DNAJA3: variants seen among roughly 807,000 people sequenced by gnomAD.
The protein encoded by DNAJA3 is dnaJ homolog subfamily A member 3, mitochondrial.
In DNAJA3, 29 loss-of-function variants were observed where a neutral mutation model predicts 54.9. The observed-to-expected ratio is 0.53, with a 90% confidence interval of 0.39 to 0.72. The LOEUF (loss-of-function observed/expected upper bound fraction) is 0.72. DNAJA3 is among the 30% of genes least tolerant of loss of function. The probability of loss-of-function intolerance (pLI) is 0.00; values close to 1 mark genes in which losing one functional copy is unlikely to be tolerated. For synonymous variants in DNAJA3, 302 were observed against 251.4 expected, an observed-to-expected ratio of 1.20 and a Z score of -1.90; for missense variants, 708 against 639.4, an observed-to-expected ratio of 1.11 and a Z score of -1.16.
rs1347244882 is a variant in DNAJA3, at chr16:4,444,732, G to A, written c.996+4G>A. ...GGAAATTTTCATTACGTTCAGGGTA[G>A]GTGCCCTGCCCCGCACAGCTTCTGT... On this transcript the variant is annotated splice_donor_region_variant and intron_variant, in intron 7 of 11. Coordinates refer to ENST00000262375, the MANE Select transcript of DNAJA3 (RefSeq NM_005147.6). The A allele has an allele frequency of 6.8e-6, 11 of 1,613,478 alleles. No individual in the cohort carries two copies. Among genetic ancestry groups the A allele is most frequent in the East Asian group, 2.2e-5 (1 of 44,892 alleles).
Position 4,446,934 on chromosome 16 carries a change from G to A in DNAJA3, c.1045G>A (p.Asp349Asn), listed in dbSNP as rs745793971. 7 of 1,614,130 alleles carry A rather than the reference G, an allele frequency of 4.3e-6. No homozygotes were observed. Among genetic ancestry groups the A allele is most frequent in the African/African-American group, 2.7e-5 (2 of 75,030 alleles). Residue 349 changes from aspartate to asparagine, a missense_variant, in exon 8 of 12, where the codon GAC becomes AAC. Physicochemically the swap from Asp to Asn is conservative, Grantham distance 23 (BLOSUM62 1). Coordinates refer to ENST00000262375, the MANE Select transcript of DNAJA3 (RefSeq NM_005147.6). The stretch of plus-strand genomic sequence containing the variant: ...GAGGGACGGCGCAGACATCCACTCC[G>A]ACCTCTTTATTTCTATAGCTCAGGC... ...FRRDGADIHS[D>N]LFISIAQALL...
intron 1 of DNAJA3, chr16:4,431,083 C>T (rs1034293535): frequency 6.6e-6 from 1 of 152,090 alleles, no homozygotes; most frequent in African/African-American, 2.4e-5. Context: ...TGTAATTAAA[C>T]GTGATTTGTC....
At chr16:4,441,325 C>A (rs762827707) in intron 3 of DNAJA3, 50 bp from the exon 4 acceptor site, 51 of 1,539,726 alleles carry the variant, frequency 3.3e-5, no homozygotes, top group African/African-American at 6.9e-5. Context: ...GTCTGTATTC[C>A]TGGGCCTTGG....
chr16:4,432,335 CTTTTTTTTTTTCT>C (rs2056714317), intron 1 of DNAJA3, among the ~76,000 whole-genome samples: 1 of 73,226 alleles, frequency 1.4e-5, no homozygotes. Context: ...ATTTTTCTTT[CTTTTTTTTTTTCT>C]TTTTTTTTTC....
At position 4,453,717 on chromosome 16, in the gene DNAJA3, C is replaced by T. The variant is rs535539317; in HGVS notation, c.1340-1094C>T. 6.6e-5 allele frequency among the ~76,000 whole-genome samples: 10 copies of T among 152,314 alleles called. No homozygotes were observed. In the East Asian group the frequency reaches 1.9e-3, roughly 29 times the overall value. ...AAAGTGCGGGGATTACAGGCGTGAG[C>T]CACTGTGCCCGGCCTTTTCTTTTTT... On this transcript the variant is annotated intron_variant, in intron 10 of 11. Transcript: ENST00000262375.
In DNAJA3 at chr16:4,425,930, C is replaced by T. The variant is rs1183117764; in HGVS notation, c.49C>T (p.Pro17Ser). 1 of 1,553,124 alleles carries T rather than the reference C, an allele frequency of 6.4e-7. No individual in the cohort carries two copies. The highest frequency in any genetic ancestry group is 1.2e-5 in the South Asian group (1 of 84,706). ...TRWLLVVVGT[P>S]RLPAISGRGA... ...CTGGTTGCTGGTGGTTGTGGGGACCCCGCGGCTGCCGGCTATATCGGGTAG... is the reference window on the plus strand; with the variant it reads ...CTGGTTGCTGGTGGTTGTGGGGACCTCGCGGCTGCCGGCTATATCGGGTAG... Residue 17 changes from proline (P) to serine (S), a missense_variant, in exon 1 of 12, where the codon CCG (proline) becomes TCG (serine). Pro to Ser is a moderately conservative substitution (Grantham distance 74). Transcript: ENST00000262375.
At position 4,446,907 on chromosome 16, in the gene DNAJA3, C is replaced by A; in HGVS notation, c.1018C>A (p.Arg340=). The stretch of plus-strand genomic sequence containing the variant: ...TTAGGTGCAGAAAAGCCCTGTGTTC[C>A]GGAGGGACGGCGCAGACATCCACTC... ...TFRVQKSPVF[R]RDGADIHSDL... is the part of the protein sequence containing the mutation. The change falls in exon 8 of 12, where the codon CGG becomes AGG. Residue 340 remains arginine (R), a synonymous_variant. Transcript: ENST00000262375. 6.2e-7 allele frequency: 1 copy of A among 1,614,020 alleles called. No homozygotes were observed. Among genetic ancestry groups the A allele is most frequent in the Non-Finnish European group, 8.5e-7 (1 of 1,179,994 alleles).
chr16:4,453,454 T>C (rs1179464688), intron 10 of DNAJA3, among the ~76,000 whole-genome samples: 2 of 151,840 alleles, frequency 1.3e-5, no homozygotes, highest in Non-Finnish European at 2.9e-5. Context: ...TTTCTTTTTT[T>C]GGAGACGGAG....
intron 2 of DNAJA3, among the ~76,000 whole-genome samples, chr16:4,435,859 A>G (rs2056766807): frequency 1.3e-5 from 2 of 152,268 alleles, no homozygotes; most frequent in Non-Finnish European, 2.9e-5. Context: ...TTGCTGAGTC[A>G]TATGGTAACT....
chr16:4,436,777 C>G (rs560421433), intron 2 of DNAJA3, among the ~76,000 whole-genome samples: 4 of 152,262 alleles, frequency 2.6e-5, no homozygotes, highest in African/African-American at 9.6e-5. Flanking sequence ...CTCTGGTGAT[C>G]CACCCAGCTC....
intron 1 of DNAJA3, among the ~76,000 whole-genome samples, chr16:4,426,312 G>T (rs2056621723): frequency 6.6e-6 from 1 of 152,210 alleles, no homozygotes; most frequent in Non-Finnish European, 1.5e-5. Flanking sequence ...CGGCGGTGAT[G>T]AAACGCCCCG....
At position 4,443,061 on chromosome 16, in the gene DNAJA3, G is replaced by A; in HGVS notation, c.828G>A (p.Arg276=). 6.2e-7 allele frequency: 1 copy of A among 1,613,714 alleles called. No individual in the cohort carries two copies. Residue 276 remains arginine, a synonymous_variant, in exon 6 of 12, where the codon AGG becomes AGA. Transcript: ENST00000262375. ...CTTTTGTGATGCGTTCCACGTGTAG[G>A]AGATGTGGTGGCCGCGGCTCCATCA... is the stretch of plus-strand genomic sequence containing the variant. ...TGPFVMRSTC[R]RCGGRGSIII... is the part of the protein sequence containing the mutation.
intron 1 of DNAJA3, among the ~76,000 whole-genome samples, chr16:4,428,882 ATTTTTT>A (rs766170292): frequency 2.8e-5 from 3 of 108,440 alleles, no homozygotes; most frequent in East Asian, 2.6e-4. Context: ...CTACAAAAAG[ATTTTTT>A]TTTTTTTTTT....
intron 3 of DNAJA3, 94 bp downstream of exon 3, chr16:4,437,579 C>T (rs926323221): frequency 6.9e-6 from 7 of 1,020,974 alleles, no homozygotes; most frequent in Middle Eastern, 4.3e-4. Context: ...GTGTGTCATA[C>T]AGTCCAGTGT....
intron 1 of DNAJA3, chr16:4,427,239 G>C (rs767767815): frequency 2.0e-5 from 3 of 152,114 alleles, no homozygotes; most frequent in Admixed American, 6.6e-5. Flanking sequence ...TTCTTATGCC[G>C]TGTGTTTTGT....
intron 2 of DNAJA3, among the ~76,000 whole-genome samples, chr16:4,437,163 G>C (rs2056781522): frequency 6.6e-6 from 1 of 152,108 alleles, no homozygotes; most frequent in Non-Finnish European, 1.5e-5. Context: ...GTGGAGAGGG[G>C]TTTCGCTGTG....
intron 2 of DNAJA3, among the ~76,000 whole-genome samples, 200 bp downstream of exon 2, chr16:4,434,717 A>AG (rs2056750922): frequency 6.6e-6 from 1 of 152,142 alleles, no homozygotes; most frequent in Admixed American, 6.6e-5. Flanking sequence ...CAGAAAAAAG[A>AG]GGTGAGTCCA....
Position 4,455,601 on chromosome 16 carries a change from G to A in DNAJA3, c.*69G>A. ...AGCAGCAGCCCCTCCAAGGGCCAGG[G>A]CACCTGGGAGACGGGAGGATTCCAG... On this transcript the variant is annotated 3_prime_UTR_variant, in exon 12 of 12. Coordinates refer to ENST00000262375, the MANE Select transcript of DNAJA3 (RefSeq NM_005147.6). 3.9e-6 allele frequency: 6 copies of A among 1,551,580 alleles called. No homozygotes were observed. Among genetic ancestry groups the A allele is most frequent in the Non-Finnish European group, 5.2e-6 (6 of 1,146,852 alleles).
chr16:4,426,044 T>G lies in DNAJA3; in HGVS notation c.163T>G (p.Cys55Gly). The G allele has an allele frequency of 1.2e-6, 2 of 1,605,238 alleles. No individual in the cohort carries two copies. The highest frequency in any genetic ancestry group is 1.7e-6 in the Non-Finnish European group (2 of 1,176,434). Reference protein sequence around the residue: ...VPAFASSLTSCGPRALLTLRP... With the variant: ...VPAFASSLTSGGPRALLTLRP... ...CGCCTTTGCGTCTTCCCTGACCTCT[T>G]GCGGCCCCCGAGCGCTGCTGACATT... Residue 55 changes from cysteine to glycine, a missense_variant, in exon 1 of 12, where the codon TGC becomes GGC. Cys to Gly is a radical substitution (Grantham distance 159, BLOSUM62 -3). Coordinates refer to ENST00000262375, the MANE Select transcript of DNAJA3 (RefSeq NM_005147.6).
Sources: allele counts gnomAD v4.1 joint callset (sites outside exome capture counted in the v4.1 genomes callset), GRCh38; gene constraint gnomAD v4.1.1; transcripts MANE v1.5; gene names NCBI Gene and HGNC (gene_info 2026-07-23, HGNC 2026-07-21).